Variants in TRAK1 observed in about 807,000 individuals in gnomAD.
TRAK1 encodes trafficking kinesin-binding protein 1.
Under a neutral mutation model 92.1 loss-of-function variants are expected in TRAK1, and 33 were observed. That is an observed-to-expected ratio of 0.36 (90% CI 0.27 to 0.48). The LOEUF (loss-of-function observed/expected upper bound fraction) is 0.48, where lower values mean the gene tolerates loss of function less well. Ranked by LOEUF, TRAK1 falls within the 20% of genes least tolerant of loss-of-function variation. The pLI is 0.99. For synonymous variants in TRAK1, 521 were observed against 517.3 expected (o/e 1.01, Z -0.10); for missense variants, 1,123 against 1,257.9 (o/e 0.89, Z 1.62).
chr3:42,092,494 T>C (rs1705205547), intron 1 of TRAK1, among the ~76,000 whole-genome samples: 1 of 151,990 alleles, frequency 6.6e-6, no homozygotes, highest in South Asian at 2.1e-4. Flanking sequence ...TTTACTGGGG[T>C]TTATGTTAAT....
chr3:42,177,887 A>C (rs1703427274), intron 3 of TRAK1, among the ~76,000 whole-genome samples: 1 of 152,112 alleles, frequency 6.6e-6, no homozygotes. Flanking sequence ...AGCTCCCCAG[A>C]AGTGATGTCA....
At chr3:42,105,454 A>G (rs527752091) in intron 1 of TRAK1, among the ~76,000 whole-genome samples, 27 of 152,232 alleles carry the variant, frequency 1.8e-4, no homozygotes, top group Non-Finnish European at 4.4e-5. Context: ...TGAAGCAAGA[A>G]GAGAAGTTTA....
intron 2 of TRAK1, among the ~76,000 whole-genome samples, chr3:42,149,789 G>A (rs1013024677): frequency 1.3e-5 from 2 of 152,128 alleles, no homozygotes; most frequent in Non-Finnish European, 2.9e-5. Flanking sequence ...GCTCTTTACC[G>A]TGAAAGACTC....
chr3:42,186,042 G>A lies in TRAK1; in HGVS notation c.480+1241G>A, dbSNP rs576773603. Among the ~76,000 whole-genome samples, 492 of 133,080 alleles carry A rather than the reference G, an allele frequency of 3.7e-3. 6 individuals are homozygous for A. Among genetic ancestry groups the A allele is most frequent in the African/African-American group, 0.013 (441 of 34,844 alleles). The allele number at this position is 133,080 out of a possible 152,430, so 87.3% of individuals were successfully genotyped here. A position where few individuals can be genotyped will look rare whatever the true frequency, so the allele number is the denominator to read the frequency against. On this transcript the variant is annotated intron_variant, in intron 4 of 15. Transcript: ENST00000327628. ...CTGTCACTCAGGCTAGAGTGCAGTC[G>A]TGAGATCACAGCTCACTGCAGCCTT... is the stretch of plus-strand genomic sequence containing the variant.
intron 1 of TRAK1, among the ~76,000 whole-genome samples, chr3:42,123,820 G>A (rs1710223653): frequency 6.6e-6 from 1 of 151,988 alleles, no homozygotes; most frequent in Non-Finnish European, 1.5e-5. Context: ...CTACTTCAAA[G>A]CGAGAACTTG....
chr3:42,138,981 C>T (rs146533969), intron 2 of TRAK1, among the ~76,000 whole-genome samples: 2 of 147,010 alleles, frequency 1.4e-5, no homozygotes, highest in Admixed American at 6.9e-5. Context: ...TAGACGTGTG[C>T]GTGGTGAGGC....
At chr3:42,169,146 CTTT>C (rs61450430) in intron 2 of TRAK1, among the ~76,000 whole-genome samples, 2 of 148,076 alleles carry the variant, frequency 1.4e-5, no homozygotes, top group East Asian at 2.0e-4. Context: ...TTCTTTCTTT[CTTT>C]TTTTTTTTAA....
At chr3:42,127,013 A>C (rs1236495727) in intron 2 of TRAK1, among the ~76,000 whole-genome samples, 1 of 152,196 alleles carries the variant, frequency 6.6e-6, no homozygotes, top group Non-Finnish European at 1.5e-5. Context: ...TATTGAAGTT[A>C]AAGCTTTAGA....
rs528801490 is a variant in TRAK1, at chr3:42,040,788, C to T, written c.-519+26671C>T. Among the ~76,000 whole-genome samples, 157 of 152,040 alleles carry T rather than the reference C, an allele frequency of 1.0e-3. 1 individual carries two copies. Among genetic ancestry groups the T allele is most frequent in the African/African-American group, 3.4e-3 (142 of 41,476 alleles). On this transcript the variant is annotated intron_variant, in intron 1 of 16. Coordinates refer to the TRAK1 transcript ENST00000487159. ...CCACCTCCCAGGTTCAAGCAGTTCT[C>T]CTGCCTCAGCCTCCTGGGTAGCTAG...
In TRAK1 at chr3:42,148,030, A is replaced by C. The variant is rs539859220; in HGVS notation, c.286+22416A>C. On this transcript the variant is annotated intron_variant, in intron 2 of 15. Transcript: ENST00000327628. Reference sequence around the variant, plus strand: ...GACATACACATACATAGAAACACACACACACACACACACACACTATTATCT... The same window carrying C: ...GACATACACATACATAGAAACACACCCACACACACACACACACTATTATCT... 9.3e-4 allele frequency among the ~76,000 whole-genome samples: 142 copies of C among 152,028 alleles called. 1 individual carries two copies. The South Asian group carries it at 0.015, about 16-fold the overall frequency.
chr3:42,038,813 T>TTG lies in TRAK1; in HGVS notation c.-519+24697_-519+24698insGT, dbSNP rs1702427145. 1.4e-5 allele frequency among the ~76,000 whole-genome samples: 2 copies of TTG among 147,222 alleles called. 1 individual carries two copies. The highest frequency in any genetic ancestry group is 5.1e-5 in the African/African-American group (2 of 39,548). ...AAAAAAAAAAAAAAAGTTTTTTTTT[T>TTG]TTTTTTTTTTGGTAGAGACAGTCTC... On this transcript the variant is annotated intron_variant, in intron 1 of 16. Coordinates refer to the TRAK1 transcript ENST00000487159.
At chr3:42,160,657 G>C (rs779444860) in intron 2 of TRAK1, among the ~76,000 whole-genome samples, 9 of 150,990 alleles carry the variant, frequency 6.0e-5, no homozygotes, top group Non-Finnish European at 1.2e-4. Context: ...CTCACCCAGA[G>C]AACAGCATTT....
chr3:42,176,998 T>G, intron 3 of TRAK1, 108 bp downstream of exon 3: 2 of 1,068,258 alleles, frequency 1.9e-6, no homozygotes, highest in Non-Finnish European at 2.8e-6. Flanking sequence ...TCTTGGAAAT[T>G]GGTCTCTTTC....
At chr3:42,193,352 A>T in intron 8 of TRAK1, 147 bp downstream of exon 8, 1 of 1,104,912 alleles carries the variant, frequency 9.1e-7, no homozygotes, top group Non-Finnish European at 1.2e-6. Context: ...TGGACTCAGT[A>T]GTATAAAACT....
chr3:42,205,010 A>G (rs1472315931), intron 13 of TRAK1, among the ~76,000 whole-genome samples: 1 of 152,216 alleles, frequency 6.6e-6, no homozygotes, highest in African/African-American at 2.4e-5. Flanking sequence ...TAGGTTCAGT[A>G]CAGCTCTGAC....
chr3:42,049,397 A>G (rs1311988982), intron 1 of TRAK1, among the ~76,000 whole-genome samples: 3 of 151,810 alleles, frequency 2.0e-5, no homozygotes, highest in African/African-American at 7.3e-5. Context: ...TTTAAAATTC[A>G]TTATGCCAGG....
chr3:42,042,279 A>G (rs1235057459), intron 1 of TRAK1, among the ~76,000 whole-genome samples: 1 of 152,056 alleles, frequency 6.6e-6, no homozygotes, highest in Non-Finnish European at 1.5e-5. Flanking sequence ...AATTTTGTCA[A>G]ATCCTTTTTC....
At chr3:42,157,457 CAAAAAAAAAAAAAAAAAAAAA>C (rs60622565) in intron 2 of TRAK1, among the ~76,000 whole-genome samples, 753 of 31,180 alleles carry the variant, frequency 0.024, 42 homozygotes, top group African/African-American at 0.083. Flanking sequence ...GACCCTGTCT[CAAAAAAAAAAAAAAAAAAAAA>C]AAAAAAAAAA....
chr3:42,187,924 C>T (rs925415086), intron 4 of TRAK1, 121 bp from the exon 5 acceptor site: 6 of 808,546 alleles, frequency 7.4e-6, no homozygotes, highest in Non-Finnish European at 1.3e-5. Flanking sequence ...TAAATGCTTT[C>T]ACTTTCAATG....
Sources: allele counts gnomAD v4.1 joint callset (sites outside exome capture counted in the v4.1 genomes callset), GRCh38; gene constraint gnomAD v4.1.1; transcripts MANE v1.5; gene names NCBI Gene and HGNC (gene_info 2026-07-23, HGNC 2026-07-21).